SEM1: variants seen among roughly 807,000 people sequenced by gnomAD.
SEM1 encodes the protein SEM1 26S proteasome subunit, also known as 26S proteasome complex subunit SEM1.
In SEM1, 3 loss-of-function variants were observed where a neutral mutation model predicts 12.7. That is an observed-to-expected ratio of 0.24 (90% CI 0.11 to 0.61). The LOEUF is 0.61. Ranked by LOEUF, SEM1 falls within the 20% of genes least tolerant of loss-of-function variation. SEM1 has a pLI of 0.88. For synonymous variants in SEM1, 30 were observed against 27.8 expected, an observed-to-expected ratio of 1.08 and a Z score of -0.25; for missense variants, 59 against 81.3, an observed-to-expected ratio of 0.73 and a Z score of 1.06.
chr7:96,678,045 TTTG>T (rs1466543154), intron 2 of SEM1, among the ~76,000 whole-genome samples: 1 of 152,206 alleles, frequency 6.6e-6, no homozygotes, highest in Non-Finnish European at 1.5e-5. Context: ...TCAATAAATA[TTTG>T]TTGAATGAAT....
chr7:96,485,846 C>T lies in SEM1; in HGVS notation c.227+357G>A, dbSNP rs139657821. 1.3e-3 allele frequency among the ~76,000 whole-genome samples: 203 copies of T among 152,172 alleles called. 1 individual carries two copies. Among genetic ancestry groups the T allele is most frequent in the African/African-American group, 4.5e-3 (186 of 41,528 alleles). ...TGAGCCACTACGCCTGGCCTCCCAT[C>T]TCTGCATTCTTAATCATATCTGCAA... On this transcript the variant is annotated intron_variant, in intron 2 of 3. Coordinates refer to the SEM1 transcript ENST00000356686.
In SEM1 at chr7:96,693,892, G is replaced by T. The variant is rs1584868195; in HGVS notation, c.170+906C>A. ...GCAGCACTATCCACAATAGCTAAAA[G>T]GTGGAAACAGTCTGAATGTCCATCA... On this transcript the variant is annotated intron_variant, in intron 2 of 2. Transcript: ENST00000248566. Among the ~76,000 whole-genome samples, 3 of 151,666 alleles carry T rather than the reference G, an allele frequency of 2.0e-5. No homozygotes were observed. In the Admixed American group the frequency reaches 2.0e-4, roughly 10 times the overall value.
intron 2 of SEM1, among the ~76,000 whole-genome samples, chr7:96,606,033 C>A (rs1807367900): frequency 1.3e-5 from 2 of 152,104 alleles, no homozygotes; most frequent in Admixed American, 1.3e-4. Context: ...TCAAGTCACC[C>A]TTATTTTACT....
intron 2 of SEM1, among the ~76,000 whole-genome samples, chr7:96,607,992 G>A (rs1807436188): frequency 6.6e-6 from 1 of 152,210 alleles, no homozygotes; most frequent in African/African-American, 2.4e-5. Context: ...GGGCTGATAA[G>A]GAGGTGTACT....
chr7:96,547,054 A>C (rs939287295), intron 2 of SEM1, among the ~76,000 whole-genome samples: 1 of 152,134 alleles, frequency 6.6e-6, no homozygotes, highest in African/African-American at 2.4e-5. Flanking sequence ...GACTACAAGA[A>C]CAGTGGAAGT....
At chr7:96,699,088 C>T (rs902520322) in intron 1 of SEM1, among the ~76,000 whole-genome samples, 8 of 152,094 alleles carry the variant, frequency 5.3e-5, no homozygotes, top group African/African-American at 1.9e-4. Context: ...CTGATCTACC[C>T]TTCAAATTAC....
At chr7:96,680,328 T>C (rs1209521987) in intron 2 of SEM1, among the ~76,000 whole-genome samples, 3 of 152,026 alleles carry the variant, frequency 2.0e-5, no homozygotes, top group Non-Finnish European at 4.4e-5. Flanking sequence ...CAACCCACAG[T>C]AAGACAAGGG....
intron 2 of SEM1, among the ~76,000 whole-genome samples, chr7:96,641,295 C>T (rs1353047629): frequency 6.6e-6 from 1 of 151,752 alleles, no homozygotes; most frequent in African/African-American, 2.4e-5. Context: ...TTTCTTCAAA[C>T]AATTTTCAGG....
chr7:96,638,048 C>T (rs1808481385), intron 2 of SEM1, among the ~76,000 whole-genome samples: 1 of 151,976 alleles, frequency 6.6e-6, no homozygotes. Flanking sequence ...CACTTGATGG[C>T]TGGATTTGGT....
chr7:96,604,677 T>C (rs1030137447), intron 2 of SEM1, among the ~76,000 whole-genome samples: 5 of 151,846 alleles, frequency 3.3e-5, no homozygotes, highest in African/African-American at 9.7e-5. Flanking sequence ...CCAGCACTTT[T>C]GGAGGCTGAG....
chr7:96,502,751 C>T lies in SEM1; in HGVS notation c.*60+3872G>A, dbSNP rs537062930. 6.7e-4 allele frequency among the ~76,000 whole-genome samples: 102 copies of T among 152,286 alleles called. 2 individuals are homozygous for T. In the South Asian group the frequency reaches 0.02, roughly 30 times the overall value. On this transcript the variant is annotated intron_variant and NMD_transcript_variant, in intron 3 of 3. Coordinates refer to the SEM1 transcript ENST00000466986. ...GATTTCATGCTCAAATTCACTGATA[C>T]GCTGCAGTAATTCATTCAACACATG... is the stretch of plus-strand genomic sequence containing the variant.
intron 2 of SEM1, among the ~76,000 whole-genome samples, chr7:96,543,314 A>G (rs1805010647): frequency 6.6e-6 from 1 of 152,026 alleles, no homozygotes; most frequent in Admixed American, 6.6e-5. Context: ...TGTATAGGTT[A>G]TATGCAAATA....
At chr7:96,597,548 G>A (rs953978520) in intron 2 of SEM1, among the ~76,000 whole-genome samples, 1 of 151,944 alleles carries the variant, frequency 6.6e-6, no homozygotes, top group African/African-American at 2.4e-5. Context: ...ATAAAATACA[G>A]GTCACTATTA....
intron 2 of SEM1, among the ~76,000 whole-genome samples, chr7:96,588,211 C>T (rs1004391617): frequency 6.6e-6 from 1 of 151,552 alleles, no homozygotes. Flanking sequence ...TAAAAATTAG[C>T]CAGGTGTCGT....
chr7:96,567,942 A>G (rs896105395), intron 2 of SEM1, among the ~76,000 whole-genome samples: 17 of 150,030 alleles, frequency 1.1e-4, no homozygotes, highest in Admixed American at 1.1e-3. Flanking sequence ...GCACACACAT[A>G]CACACACACA....
intron 1 of SEM1, among the ~76,000 whole-genome samples, chr7:96,699,086 C>T (rs1790191086): frequency 6.6e-6 from 1 of 152,106 alleles, no homozygotes; most frequent in African/African-American, 2.4e-5. Context: ...TTCTGATCTA[C>T]CCTTCAAATT....
chr7:96,660,556 A>G (rs887797328), intron 2 of SEM1, among the ~76,000 whole-genome samples: 1 of 152,142 alleles, frequency 6.6e-6, no homozygotes, highest in African/African-American at 2.4e-5. Context: ...GAGAAAACAC[A>G]TTGTTATTGT....
At chr7:96,708,830 A>G (rs1790550894) in intron 1 of SEM1, among the ~76,000 whole-genome samples, 1 of 152,226 alleles carries the variant, frequency 6.6e-6, no homozygotes, top group South Asian at 2.1e-4. Flanking sequence ...AAAGTGGAAT[A>G]TGCTATTACA....
intron 2 of SEM1, among the ~76,000 whole-genome samples, chr7:96,692,403 T>C (rs1025067024): frequency 3.3e-5 from 5 of 152,130 alleles, no homozygotes; most frequent in Admixed American, 1.3e-4. Context: ...CTCTGACACG[T>C]GATTAAAAAC....
Sources: allele counts gnomAD v4.1 joint callset (sites outside exome capture counted in the v4.1 genomes callset), GRCh38; gene constraint gnomAD v4.1.1; transcripts MANE v1.5; gene names NCBI Gene and HGNC (gene_info 2026-07-23, HGNC 2026-07-21).